Variants in SLC1A7 observed in about 807,000 individuals in gnomAD.
SLC1A7 encodes solute carrier family 1 member 7.
SLC1A7 carries 40 observed loss-of-function variants against 47.7 expected under a neutral mutation model. The observed-to-expected ratio is 0.84, with a 90% CI of 0.65 to 1.09. The LOEUF (loss-of-function observed/expected upper bound fraction) is 1.09. Ranked by LOEUF, SLC1A7 falls within the 50% of genes least tolerant of loss-of-function variation. The pLI is 0.00. For synonymous variants in SLC1A7, 323 were observed against 325.6 expected (o/e 0.99, Z 0.09); for missense variants, 746 against 769.5 (o/e 0.97, Z 0.36).
intron 1 of SLC1A7, among the ~76,000 whole-genome samples, chr1:53,138,500 T>C (rs990939707): frequency 6.6e-6 from 1 of 151,762 alleles, no homozygotes. Flanking sequence ...TTCTGGGAGA[T>C]TTCTACAACT....
chr1:53,094,162 TCTC>T (rs1326093122), intron 5 of SLC1A7, among the ~76,000 whole-genome samples: 1 of 152,220 alleles, frequency 6.6e-6, no homozygotes, highest in Non-Finnish European at 1.5e-5. Context: ...TTTTTTCCCG[TCTC>T]CTCTGCGAGG....
At chr1:53,126,428 G>A (rs1572342161) in intron 2 of SLC1A7, among the ~76,000 whole-genome samples, 1 of 152,266 alleles carries the variant, frequency 6.6e-6, no homozygotes, top group Non-Finnish European at 1.5e-5. Flanking sequence ...GGGGTGGTGG[G>A]AGGGCTGAAA....
intron 2 of SLC1A7, among the ~76,000 whole-genome samples, chr1:53,116,392 G>C (rs144846222): frequency 3.3e-5 from 5 of 152,318 alleles, no homozygotes; most frequent in African/African-American, 1.2e-4. Context: ...CTCCAGGGTT[G>C]GGCCAGGTTC....
At chr1:53,100,906 T>A (rs1644568608) in intron 5 of SLC1A7, among the ~76,000 whole-genome samples, 1 of 144,736 alleles carries the variant, frequency 6.9e-6, no homozygotes, top group Non-Finnish European at 1.5e-5. Context: ...CTCAATACAT[T>A]CACACACCCC....
At chr1:53,094,826 G>A (rs879687005) in intron 5 of SLC1A7, among the ~76,000 whole-genome samples, 50 of 152,360 alleles carry the variant, frequency 3.3e-4, no homozygotes, top group Non-Finnish European at 6.3e-4. Context: ...TGGCTGCTGG[G>A]AGCCAGTGTG....
chr1:53,102,073 T>C (rs1644589963), intron 5 of SLC1A7, among the ~76,000 whole-genome samples: 1 of 152,228 alleles, frequency 6.6e-6, no homozygotes, highest in Non-Finnish European at 1.5e-5. Flanking sequence ...GCCCTTCTCT[T>C]ATGTTCCCAG....
chr1:53,120,594 GC>G (rs1167295228), intron 2 of SLC1A7, among the ~76,000 whole-genome samples: 1 of 152,120 alleles, frequency 6.6e-6, no homozygotes, highest in Non-Finnish European at 1.5e-5. Flanking sequence ...CCCAACCCTG[GC>G]CCAATGTCCC....
chr1:53,088,768 A>G, intron 10 of SLC1A7, 109 bp downstream of exon 10: 2 of 776,274 alleles, frequency 2.6e-6, no homozygotes. Flanking sequence ...AGAGGCATGG[A>G]GGGAGGGATT....
At chr1:53,097,613 TC>T (rs1644512903) in intron 5 of SLC1A7, among the ~76,000 whole-genome samples, 2 of 121,356 alleles carry the variant, frequency 1.6e-5, no homozygotes, top group African/African-American at 3.3e-5. Flanking sequence ...CTCAAACACC[TC>T]GCCTCGGTAC....
In SLC1A7 at chr1:53,090,779, C is replaced by G; in HGVS notation, c.1059G>C (p.Lys353Asn). 1.2e-6 allele frequency: 2 copies of G among 1,613,036 alleles called. No individual in the cohort carries two copies. Among genetic ancestry groups the G allele is most frequent in the Non-Finnish European group, 1.7e-6 (2 of 1,179,584 alleles). ...SSSATLPITF[K>N]CLLENNHIDR... Reference sequence around the variant, plus strand: ...CGATGTGGTTGTTCTCCAGCAGGCACTTGAAGGTGATGGGCAGTGTGGCTG... The same window carrying G: ...CGATGTGGTTGTTCTCCAGCAGGCAGTTGAAGGTGATGGGCAGTGTGGCTG... The change falls in exon 8 of 11, where the codon AAG becomes AAC. Residue 353 changes from lysine to asparagine, a missense_variant. Physicochemically the swap from Lys to Asn is moderately conservative, Grantham distance 94 (BLOSUM62 0). Coordinates refer to ENST00000371494, the MANE Select transcript of SLC1A7 (RefSeq NM_006671.6).
chr1:53,092,508 T>TCC (rs1644433462), intron 7 of SLC1A7, 46 bp downstream of exon 7: 1 of 1,398,344 alleles, frequency 7.2e-7, no homozygotes, highest in African/African-American at 1.4e-5. Context: ...CGGACAGGGC[T>TCC]CAGCCCCTCC....
At chr1:53,092,185 G>A (rs953297374) in intron 7 of SLC1A7, among the ~76,000 whole-genome samples, 2 of 152,262 alleles carry the variant, frequency 1.3e-5, no homozygotes, top group South Asian at 2.1e-4. Context: ...TGGACAGGCC[G>A]AGCTCCTAGA....
rs748684307 is a variant in SLC1A7, at chr1:53,093,537, C to A, written c.721G>T (p.Asp241Tyr). ...TMGIMLGRMG[D>Y]SGAPLVSFCQ... ...AAGCTGACCAGGGGGGCCCCGCTGTCACCCATGCGGCCCAGCATGATGCCT... is the reference window on the plus strand; with the variant it reads ...AAGCTGACCAGGGGGGCCCCGCTGTAACCCATGCGGCCCAGCATGATGCCT... Residue 241 changes from aspartate to tyrosine, a missense_variant, in exon 6 of 11, where the codon GAC becomes TAC. Transcript: ENST00000371494. The A allele has an allele frequency of 8.1e-6, 13 of 1,607,412 alleles. No individual in the cohort carries two copies. Among genetic ancestry groups the A allele is most frequent in the Non-Finnish European group, 9.3e-6 (11 of 1,179,468 alleles).
At chr1:53,120,989 G>A (rs76972105) in intron 2 of SLC1A7, among the ~76,000 whole-genome samples, 1,573 of 152,388 alleles carry the variant, frequency 0.01, 24 homozygotes, top group African/African-American at 0.036. Context: ...TTCCACTGAG[G>A]ATGAGTGCGG....
chr1:53,131,118 C>T (rs2150343778), intron 2 of SLC1A7, among the ~76,000 whole-genome samples: 1 of 152,320 alleles, frequency 6.6e-6, no homozygotes, highest in Non-Finnish European at 1.5e-5. Flanking sequence ...CCTGGCTTTT[C>T]TCAACTTAAT....
intron 3 of SLC1A7, chr1:53,108,546 C>A: frequency 1.4e-6 from 1 of 717,668 alleles, no homozygotes; most frequent in South Asian, 1.5e-5. Context: ...GAGTGGAAGT[C>A]GTTGGGTGGT....
chr1:53,098,805 C>A (rs939243847), intron 5 of SLC1A7, among the ~76,000 whole-genome samples: 4 of 151,058 alleles, frequency 2.6e-5, no homozygotes, highest in Middle Eastern at 3.5e-3. Flanking sequence ...TGCTTCAGTA[C>A]ACTCACACAC....
rs201879440 is a variant in SLC1A7, at chr1:53,140,466, T to A, written c.135+1849A>T. On this transcript the variant is annotated intron_variant, in intron 1 of 10. Coordinates refer to ENST00000371494, the MANE Select transcript of SLC1A7 (RefSeq NM_006671.6). Reference sequence around the variant, plus strand: ...CACAGGGCTAGGCTCACGTTTTGGTTAAAAAAAAAAACAAACCCATATGTT... The same window carrying A: ...CACAGGGCTAGGCTCACGTTTTGGTAAAAAAAAAAAACAAACCCATATGTT... Among the ~76,000 whole-genome samples the A allele has an allele frequency of 4.6e-3, 680 of 147,180 alleles. 16 individuals carry two copies. The East Asian group carries it at 0.078, about 17-fold the overall frequency.
chr1:53,108,676 T>G, intron 3 of SLC1A7: 1 of 717,430 alleles, frequency 1.4e-6, no homozygotes, highest in Non-Finnish European at 2.6e-6. Flanking sequence ...GCAACCTTCA[T>G]GGACCATGAG....
Sources: allele counts gnomAD v4.1 joint callset (sites outside exome capture counted in the v4.1 genomes callset), GRCh38; gene constraint gnomAD v4.1.1; transcripts MANE v1.5; gene names NCBI Gene and HGNC (gene_info 2026-07-23, HGNC 2026-07-21).